The following HYCC1 variants were observed in gnomAD, a reference collection of about 807,000 sequenced individuals.
HYCC1 encodes hyccin PI4KA lipid kinase complex subunit 1, also known as hyccin.
At chr7:22,910,113 C>G in the HYCC1 span, among the ~76,000 whole-genome samples, 2 of 152,192 alleles carry the variant, frequency 1.3e-5, no homozygotes, top group African/African-American at 4.8e-5. Context: ...CAAGGCATGC[C>G]AAGTACTGTC....
the HYCC1 span, among the ~76,000 whole-genome samples, chr7:22,896,910 C>T: frequency 1.3e-5 from 2 of 152,132 alleles, no homozygotes; most frequent in African/African-American, 4.8e-5. Flanking sequence ...CAAGATAAAG[C>T]CCCCACTTTA....
the HYCC1 span, among the ~76,000 whole-genome samples, chr7:22,987,803 G>A: frequency 6.6e-6 from 1 of 152,154 alleles, no homozygotes; most frequent in Admixed American, 6.5e-5. Flanking sequence ...CCAGCTTGGG[G>A]AGAATTAGAA....
the HYCC1 span, chr7:22,960,187 AC>A: frequency 6.7e-7 from 1 of 1,482,078 alleles, no homozygotes. Context: ...AAGTTATAGC[AC>A]CATAAGTACA....
At chr7:22,944,911 C>T in the HYCC1 span, 1 of 152,286 alleles carries the variant, frequency 6.6e-6, no homozygotes, top group Admixed American at 6.6e-5. Context: ...GAGATAACAA[C>T]AGAAATGCCT....
chr7:22,962,421 T>C, the HYCC1 span, among the ~76,000 whole-genome samples: 1 of 151,886 alleles, frequency 6.6e-6, no homozygotes, highest in South Asian at 2.1e-4. Flanking sequence ...GGTATAGGCC[T>C]GAAGGAAAAG....
the HYCC1 span, among the ~76,000 whole-genome samples, chr7:22,993,303 T>G: frequency 6.6e-6 from 1 of 152,024 alleles, no homozygotes; most frequent in African/African-American, 2.4e-5. Context: ...TAGAAGAAAA[T>G]GCAAGAGAGT....
chr7:22,925,422 T>C, the HYCC1 span, among the ~76,000 whole-genome samples: 1 of 152,104 alleles, frequency 6.6e-6, no homozygotes, highest in East Asian at 1.9e-4. Context: ...GCAAAGAAGT[T>C]AAAAACTTTG....
At chr7:22,927,329 G>T in the HYCC1 span, among the ~76,000 whole-genome samples, 2 of 151,964 alleles carry the variant, frequency 1.3e-5, no homozygotes, top group Non-Finnish European at 2.9e-5. Context: ...AAATAACTAA[G>T]ATCAGAGCAG....
chr7:22,966,506 G>A, the HYCC1 span, among the ~76,000 whole-genome samples: 1 of 152,128 alleles, frequency 6.6e-6, no homozygotes, highest in East Asian at 1.9e-4. Context: ...TGGTCAGCAT[G>A]CACTGTTTTT....
At chr7:22,936,019 T>G in the HYCC1 span, 1 of 149,258 alleles carries the variant, frequency 6.7e-6, no homozygotes, top group Non-Finnish European at 1.5e-5. Flanking sequence ...GTTAATTACC[T>G]AGTTTCCCAT....
chr7:22,946,194 C>T, the HYCC1 span: 2 of 1,574,216 alleles, frequency 1.3e-6, no homozygotes, highest in African/African-American at 2.7e-5. Context: ...GATTAATTAA[C>T]ATTAAGTATT....
chr7:22,976,278 C>A, the HYCC1 span: 1 of 1,612,574 alleles, frequency 6.2e-7, no homozygotes, highest in Non-Finnish European at 8.5e-7. Flanking sequence ...CATTGTAACA[C>A]AACAAAAGGA....
chr7:22,933,840 T>C, the HYCC1 span, among the ~76,000 whole-genome samples: 30 of 152,286 alleles, frequency 2.0e-4, no homozygotes, highest in East Asian at 5.0e-3. Flanking sequence ...GCCTTTTCCC[T>C]CATAGTTCAG....
the HYCC1 span, chr7:22,960,405 G>A: frequency 2.5e-6 from 4 of 1,612,438 alleles, no homozygotes; most frequent in South Asian, 1.1e-5. Flanking sequence ...AGCCTTTATT[G>A]CATTAGCAAC....
chr7:22,915,119 G>A, the HYCC1 span, among the ~76,000 whole-genome samples: 1 of 152,160 alleles, frequency 6.6e-6, no homozygotes, highest in Non-Finnish European at 1.5e-5. Context: ...AGAGGGGCCA[G>A]AAGGCCATCT....
chr7:22,994,005 G>C, the HYCC1 span, among the ~76,000 whole-genome samples: 1 of 152,124 alleles, frequency 6.6e-6, no homozygotes, highest in Non-Finnish European at 1.5e-5. Flanking sequence ...TTTAGAGACA[G>C]AGTCTCACTC....
At chr7:22,899,461 G>A in the HYCC1 span, among the ~76,000 whole-genome samples, 40,949 of 152,006 alleles carry the variant, frequency 0.27, 5,647 homozygotes, top group East Asian at 0.48. Context: ...AAGTCATCAT[G>A]AGACTGACCA....
At chr7:23,005,307 GATA>G in the HYCC1 span, among the ~76,000 whole-genome samples, 1 of 152,128 alleles carries the variant, frequency 6.6e-6, no homozygotes, top group East Asian at 1.9e-4. Flanking sequence ...GTGAATGATA[GATA>G]ATAACATCTG....
the HYCC1 span, among the ~76,000 whole-genome samples, chr7:22,913,710 T>C: frequency 0.64 from 97,901 of 151,956 alleles, 31,546 homozygotes; most frequent in Non-Finnish European, 0.67. Context: ...CTGCCACACC[T>C]CTAACTCCTT....
Sources: gnomAD v4.1 joint callset for allele counts (sites outside exome capture counted in the v4.1 genomes callset) on GRCh38, gnomAD v4.1.1 for gene constraint, MANE v1.5 for transcripts, NCBI Gene and HGNC (gene_info 2026-07-23, HGNC 2026-07-21) for gene names.